PDIA5: variants seen among roughly 807,000 people sequenced by gnomAD.
PDIA5 encodes the protein protein disulfide-isomerase A5.
A neutral mutation model predicts 77.6 loss-of-function variants in PDIA5; 58 were observed. The observed-to-expected ratio is 0.75, with a 90% CI of 0.61 to 0.93. The LOEUF (loss-of-function observed/expected upper bound fraction) is 0.93. PDIA5 is among the 40% of genes least tolerant of loss of function. PDIA5 has a pLI of 0.00. For synonymous variants in PDIA5, 250 were observed against 252.1 expected (o/e 0.99, Z 0.08); for missense variants, 630 against 647.7 (o/e 0.97, Z 0.30).
rs1425095715 is a variant in PDIA5 at position 123,092,377 on chromosome 3, C to T, written c.192C>T (p.Leu64=). ...CAGAGGTGGCAGCTGAAAATCATCT[C>T]AGGTTACTGTCCACAGTGGCCCAGG... ...SKSEVAAENH[L]RLLSTVAQAV... is the part of the protein sequence containing the mutation. Residue 64 remains leucine, a synonymous_variant, in exon 3 of 17, where the codon CTC becomes CTT. Transcript: ENST00000316218. The T allele has an allele frequency of 6.2e-7, 1 of 1,613,564 alleles. No homozygotes were observed. The highest frequency in any genetic ancestry group is 1.7e-5 in the Admixed American group (1 of 60,004).
At chr3:123,115,254 G>C (rs1406890632) in intron 7 of PDIA5, among the ~76,000 whole-genome samples, 1 of 152,242 alleles carries the variant, frequency 6.6e-6, no homozygotes, top group Non-Finnish European at 1.5e-5. Flanking sequence ...AATCCCTGCT[G>C]TCTGAGGAAA....
At chr3:123,099,547 A>G (rs1352383251) in intron 3 of PDIA5, among the ~76,000 whole-genome samples, 2 of 152,230 alleles carry the variant, frequency 1.3e-5, no homozygotes, top group African/African-American at 4.8e-5. Context: ...AAGGTGGCAC[A>G]GAGTCTGCAG....
intron 8 of PDIA5, among the ~76,000 whole-genome samples, chr3:123,121,076 C>T (rs1935105489): frequency 6.6e-6 from 1 of 152,200 alleles, no homozygotes; most frequent in African/African-American, 2.4e-5. Context: ...TCAAGCCTTT[C>T]CCAAAGTGAT....
intron 3 of PDIA5, among the ~76,000 whole-genome samples, chr3:123,093,258 GGT>G (rs3080445): frequency 0.038 from 5,655 of 147,756 alleles, 130 homozygotes; most frequent in African/African-American, 0.074. Flanking sequence ...TGCTGTAGAG[GGT>G]GTGTGTGTGT....
intron 3 of PDIA5, among the ~76,000 whole-genome samples, chr3:123,101,520 C>A (rs1285600758): frequency 6.6e-6 from 1 of 152,146 alleles, no homozygotes; most frequent in Non-Finnish European, 1.5e-5. Context: ...CACAGCCTGG[C>A]CCTTTCTCCT....
chr3:123,124,791 G>C lies in PDIA5; in HGVS notation c.773+448G>C, dbSNP rs1473004802. Among the ~76,000 whole-genome samples, 4 of 152,318 alleles carry C rather than the reference G, an allele frequency of 2.6e-5. No homozygotes were observed. The East Asian group carries it at 7.7e-4, about 29-fold the overall frequency. Reference sequence around the variant, plus strand: ...TACCAGGTTTGAGAGAGGTTCCACTGCAGGTCTCTCTGAAAATAGAATTGT... The same window carrying C: ...TACCAGGTTTGAGAGAGGTTCCACTCCAGGTCTCTCTGAAAATAGAATTGT... On this transcript the variant is annotated intron_variant, in intron 10 of 16. Transcript: ENST00000316218.
intron 1 of PDIA5, among the ~76,000 whole-genome samples, chr3:123,079,325 C>A (rs554606796): frequency 6.6e-6 from 1 of 151,652 alleles, no homozygotes; most frequent in Non-Finnish European, 1.5e-5. Context: ...GGACTACAGG[C>A]GCCCGCCACC....
chr3:123,129,320 G>A (rs759491378), intron 10 of PDIA5, among the ~76,000 whole-genome samples: 1 of 152,190 alleles, frequency 6.6e-6, no homozygotes, highest in Non-Finnish European at 1.5e-5. Context: ...CCCTCTCCCT[G>A]CCTCCTTCCA....
chr3:123,135,864 T>G (rs1935490637), intron 11 of PDIA5, among the ~76,000 whole-genome samples: 1 of 151,402 alleles, frequency 6.6e-6, no homozygotes, highest in Admixed American at 6.6e-5. Flanking sequence ...TCGACCTTTT[T>G]TTTTTTTTTA....
At chr3:123,082,883 G>A (rs921975601) in intron 1 of PDIA5, among the ~76,000 whole-genome samples, 5 of 152,184 alleles carry the variant, frequency 3.3e-5, no homozygotes, top group African/African-American at 1.2e-4. Flanking sequence ...GCTATAAATG[G>A]TGGCACCTGG....
chr3:123,120,166 T>A (rs1229485230), intron 8 of PDIA5, among the ~76,000 whole-genome samples: 1 of 152,190 alleles, frequency 6.6e-6, no homozygotes, highest in Non-Finnish European at 1.5e-5. Flanking sequence ...CTTTGCCTAG[T>A]CTTTGGTGGA....
chr3:123,116,824 G>A (rs1935008135), intron 8 of PDIA5, among the ~76,000 whole-genome samples: 4 of 152,156 alleles, frequency 2.6e-5, no homozygotes, highest in Non-Finnish European at 5.9e-5. Flanking sequence ...TGGATGGGGA[G>A]CGAAAGACCT....
Position 123,153,469 on chromosome 3 carries a change from G to A in PDIA5, c.1274-1502G>A, listed in dbSNP as rs145273024. 3.5e-4 allele frequency among the ~76,000 whole-genome samples: 53 copies of A among 152,292 alleles called. No homozygotes were observed. In the East Asian group the frequency reaches 0.01, roughly 29 times the overall value. Reference sequence around the variant, plus strand: ...TTTGAGCTATTTTTCTTTCTGTTATGTCAAATTAGTGAAGTGTTACTTGTA... The same window carrying A: ...TTTGAGCTATTTTTCTTTCTGTTATATCAAATTAGTGAAGTGTTACTTGTA... On this transcript the variant is annotated intron_variant, in intron 14 of 16. Transcript: ENST00000316218.
chr3:123,110,641 TCA>T (rs1349705555), intron 6 of PDIA5, among the ~76,000 whole-genome samples: 1 of 152,206 alleles, frequency 6.6e-6, no homozygotes, highest in Non-Finnish European at 1.5e-5. Context: ...AGCCTGGTCC[TCA>T]CGACTCCCTC....
intron 10 of PDIA5, among the ~76,000 whole-genome samples, chr3:123,129,757 G>A (rs1005583817): frequency 3.3e-5 from 5 of 152,198 alleles, no homozygotes; most frequent in African/African-American, 9.6e-5. Context: ...TGCGGAAACA[G>A]GCTCCAGAGA....
chr3:123,090,039 C>T (rs1305433275), intron 2 of PDIA5, among the ~76,000 whole-genome samples: 1 of 152,232 alleles, frequency 6.6e-6, no homozygotes, highest in African/African-American at 2.4e-5. Context: ...CCTGGAGAAG[C>T]AGCAGCCAGT....
rs117954771 is a variant in PDIA5, at chr3:123,158,708, G to T, written c.1345-2613G>T. ...GAGAGTAGCAGGTGCTGTGGCAAGG[G>T]CTGGTCTGAGGGGATGTGGCAGGAC... On this transcript the variant is annotated intron_variant, in intron 15 of 16. Coordinates refer to ENST00000316218, the MANE Select transcript of PDIA5 (RefSeq NM_006810.4). 1.6e-4 allele frequency among the ~76,000 whole-genome samples: 24 copies of T among 152,322 alleles called. No individual in the cohort carries two copies. In the East Asian group the frequency reaches 2.7e-3, roughly 17 times the overall value.
chr3:123,111,874 T>G (rs994797407), intron 7 of PDIA5, among the ~76,000 whole-genome samples: 1 of 152,230 alleles, frequency 6.6e-6, no homozygotes, highest in Non-Finnish European at 1.5e-5. Context: ...TTCTGTTCTG[T>G]TTTTTTAAAA....
At chr3:123,072,001 C>T (rs1344335215) in intron 1 of PDIA5, among the ~76,000 whole-genome samples, 3 of 151,670 alleles carry the variant, frequency 2.0e-5, no homozygotes, top group Non-Finnish European at 4.4e-5. Context: ...AAAAGTGGAT[C>T]GTAAAGAACT....
Sources: allele counts gnomAD v4.1 joint callset (sites outside exome capture counted in the v4.1 genomes callset), GRCh38; gene constraint gnomAD v4.1.1; transcripts MANE v1.5; gene names NCBI Gene and HGNC (gene_info 2026-07-23, HGNC 2026-07-21).